IGF2BP1: variants seen among roughly 807,000 people sequenced by gnomAD.
IGF2BP1 encodes insulin-like growth factor 2 mRNA-binding protein 1.
In IGF2BP1, 11 loss-of-function variants were observed where a neutral mutation model predicts 74.9. The ratio of observed to expected loss-of-function variants is 0.15; its 90% confidence interval spans 0.09 to 0.24. The LOEUF is 0.24. Ranked by LOEUF, IGF2BP1 falls within the 10% of genes least tolerant of loss-of-function variation. The pLI is 1.00. For missense variants in IGF2BP1, 440 were observed against 757.4 expected (o/e 0.58, Z 4.92); for synonymous variants, 287 against 281.8 (o/e 1.02, Z -0.18).
intron 4 of IGF2BP1, among the ~76,000 whole-genome samples, chr17:49,027,441 G>C (rs2041870817): frequency 1.3e-5 from 2 of 152,020 alleles, no homozygotes; most frequent in Non-Finnish European, 2.9e-5. Context: ...ATATGTCTTT[G>C]GTCAATTAAA....
rs757720909 is a variant in IGF2BP1 at position 49,038,424 on chromosome 17, A to G, written c.658A>G (p.Asn220Asp). The G allele has an allele frequency of 1.9e-6, 3 of 1,552,720 alleles. No individual in the cohort carries two copies. The highest frequency in any genetic ancestry group is 1.7e-6 in the Non-Finnish European group (2 of 1,147,232). ...TGGCAAGGAGGGGGCCACCATCCGCAACATCACAAAACAGACCCAGTCCAA... is the reference window on the plus strand; with the variant it reads ...TGGCAAGGAGGGGGCCACCATCCGCGACATCACAAAACAGACCCAGTCCAA... ...IIGKEGATIR[N>D]ITKQTQSKID... The change falls in exon 6 of 15, where the codon AAC (asparagine) becomes GAC (aspartate). Residue 220 changes from asparagine (N) to aspartate (D), a missense_variant. By Grantham distance (23) the Asn-to-Asp change is conservative (BLOSUM62 1). This residue lies in a region of IGF2BP1 where 184 missense variants were observed against 273.4 expected (regional missense o/e 0.67). Transcript: ENST00000290341.
Position 49,007,661 on chromosome 17 carries a change from CTCG to C in IGF2BP1, c.236+8495_236+8497del, listed in dbSNP as rs1598124235. Among the ~76,000 whole-genome samples, 3 of 152,158 alleles carry C rather than the reference CTCG, an allele frequency of 2.0e-5. No homozygotes were observed. The South Asian group carries it at 6.2e-4, about 32-fold the overall frequency. On this transcript the variant is annotated intron_variant, in intron 2 of 14. Transcript: ENST00000290341. ...GAGTGGCATTTGGGATTGCTTGGGG[CTCG>C]TCAACTTTCCATTCGGGACTCTGAG...
At chr17:49,039,869 T>G (rs1036153870) in intron 6 of IGF2BP1, 88 bp from the exon 7 acceptor site, 54 of 1,441,240 alleles carry the variant, frequency 3.7e-5, no homozygotes, top group Non-Finnish European at 4.7e-5. Flanking sequence ...GTTCTATGCC[T>G]TTGACTGAGG....
intron 2 of IGF2BP1, among the ~76,000 whole-genome samples, chr17:49,009,612 G>A (rs1177204380): frequency 6.6e-6 from 1 of 151,874 alleles, no homozygotes; most frequent in Non-Finnish European, 1.5e-5. Flanking sequence ...TGGAGGCTGA[G>A]GCAGGAGAAT....
At chr17:49,008,701 T>A (rs1339540778) in intron 2 of IGF2BP1, among the ~76,000 whole-genome samples, 1 of 152,214 alleles carries the variant, frequency 6.6e-6, no homozygotes, top group East Asian at 1.9e-4. Context: ...GGTTAGCAAC[T>A]GTAGCCTGGG....
chr17:49,025,049 G>A (rs1053216245), intron 2 of IGF2BP1, among the ~76,000 whole-genome samples: 3 of 152,006 alleles, frequency 2.0e-5, no homozygotes, highest in Admixed American at 1.3e-4. Context: ...GAAATTAGCC[G>A]GATGTGGTAG....
intron 5 of IGF2BP1, 51 bp from the exon 6 acceptor site, chr17:49,038,117 G>A: frequency 1.4e-6 from 2 of 1,404,570 alleles, no homozygotes; most frequent in Non-Finnish European, 1.9e-6. Context: ...AGAGCATCTG[G>A]TATGATTGGC....
At chr17:49,015,429 C>T (rs2041687388) in intron 2 of IGF2BP1, among the ~76,000 whole-genome samples, 2 of 152,334 alleles carry the variant, frequency 1.3e-5, no homozygotes, top group Middle Eastern at 3.4e-3. Flanking sequence ...TTCCCGACCC[C>T]CGGGGGAAGA....
chr17:48,997,470 G>A lies in IGF2BP1; in HGVS notation c.-276G>A, dbSNP rs2041420118. The A allele has an allele frequency of 2.8e-6, 1 of 356,560 alleles. No homozygotes were observed. Among genetic ancestry groups the A allele is most frequent in the Middle Eastern group, 7.5e-4 (1 of 1,338 alleles). 22.1% of individuals were successfully genotyped at this position (356,560 alleles called of 1,614,324 possible). A position where few individuals can be genotyped will look rare whatever the true frequency, so the allele number is the denominator to read the frequency against. The stretch of plus-strand genomic sequence containing the variant: ...ACGTGACACACCAGCCCTCTCGGAG[G>A]GGTTTCGGACCGAAGGGAAGAAGCT... On this transcript the variant is annotated 5_prime_UTR_variant, in exon 1 of 15. Transcript: ENST00000290341. This position sits in a 1 kb window ranked among gnomAD's most constrained non-coding sequence, Gnocchi z 4.8.
intron 2 of IGF2BP1, among the ~76,000 whole-genome samples, chr17:49,020,434 C>T (rs1016410474): frequency 6.6e-6 from 1 of 152,154 alleles, no homozygotes; most frequent in Non-Finnish European, 1.5e-5. Context: ...GTGGTATCAA[C>T]GGATGTTTTA....
chr17:49,025,370 C>A (rs1416397746), intron 2 of IGF2BP1, among the ~76,000 whole-genome samples: 1 of 136,062 alleles, frequency 7.3e-6, no homozygotes, highest in Non-Finnish European at 1.6e-5. Flanking sequence ...GGAATGTTAA[C>A]AGAGTGCTTA....
In IGF2BP1 at chr17:48,999,099, T is replaced by A. The variant is rs1567806447; in HGVS notation, c.176-10T>A. 22 of 1,525,376 alleles carry A rather than the reference T, an allele frequency of 1.4e-5. No individual in the cohort carries two copies. Among genetic ancestry groups the A allele is most frequent in the Non-Finnish European group, 1.9e-5 (21 of 1,108,908 alleles). The allele number at this position is 1,525,376 out of a possible 1,614,324, so 94.5% of individuals were successfully genotyped here. A position where few individuals can be genotyped will look rare whatever the true frequency, so the allele number is the denominator to read the frequency against. On this transcript the variant is annotated splice_polypyrimidine_tract_variant and intron_variant, in intron 1 of 14. Transcript: ENST00000290341. ...AGCTCTCATGGTAATTTTTTTTTTT[T>A]AATCTTTAGGGAAAGTAGAATTACA...
chr17:49,041,419 T>G lies in IGF2BP1; in HGVS notation c.860T>G (p.Phe287Cys). Residue 287 changes from phenylalanine to cysteine, a missense_variant, in exon 8 of 15, where the codon TTT (phenylalanine) becomes TGT (cysteine). By Grantham distance (205) the Phe-to-Cys change is radical. Around this residue, in one of 5 missense-constraint regions of IGF2BP1, gnomAD observed 184 missense variants for 273.4 expected, o/e 0.67. Transcript: ENST00000290341. ...CTGAAGATCCTGGCCCATAATAACT[T>G]TGTAGGGCGTCTCATTGGCAAGGAA... is the stretch of plus-strand genomic sequence containing the variant. ...VPLKILAHNNFVGRLIGKEGR... is the reference protein window; with the variant it reads ...VPLKILAHNNCVGRLIGKEGR... 6.2e-7 allele frequency: 1 copy of G among 1,613,870 alleles called. No individual in the cohort carries two copies. Among genetic ancestry groups the G allele is most frequent in the Non-Finnish European group, 8.5e-7 (1 of 1,179,944 alleles).
At chr17:49,032,060 G>A in intron 5 of IGF2BP1, 87 bp downstream of exon 5, 11 of 1,227,602 alleles carry the variant, frequency 9.0e-6, no homozygotes, top group Non-Finnish European at 1.3e-5. Flanking sequence ...TTTCCTCAGG[G>A]GGGTCTAGGC....
At chr17:49,017,680 C>G (rs568230890) in intron 2 of IGF2BP1, 2 of 152,290 alleles carry the variant, frequency 1.3e-5, no homozygotes, top group African/African-American at 2.4e-5. Flanking sequence ...ATGATATCAG[C>G]TCACCACAAC....
At chr17:49,011,232 C>T (rs562701030) in intron 2 of IGF2BP1, among the ~76,000 whole-genome samples, 83 of 149,668 alleles carry the variant, frequency 5.5e-4, no homozygotes, top group African/African-American at 1.9e-3. Context: ...GCAGACCATT[C>T]ACCTAGAAGA....
intron 14 of IGF2BP1, among the ~76,000 whole-genome samples, chr17:49,049,026 G>A (rs928248940): frequency 3.3e-5 from 5 of 151,988 alleles, no homozygotes; most frequent in Admixed American, 6.6e-5. Flanking sequence ...TCTGTTTTGC[G>A]TTTGGTAATG....
At chr17:49,026,238 A>C (rs539205700) in intron 3 of IGF2BP1, among the ~76,000 whole-genome samples, 1 of 152,294 alleles carries the variant, frequency 6.6e-6, no homozygotes, top group South Asian at 2.1e-4. Flanking sequence ...CAGGCAGCCC[A>C]GGTCTGCTTC....
At chr17:49,011,156 A>AAAAAC (rs2041614539) in intron 2 of IGF2BP1, among the ~76,000 whole-genome samples, 1 of 149,184 alleles carries the variant, frequency 6.7e-6, no homozygotes, top group African/African-American at 2.5e-5. Flanking sequence ...AAAAAAAAAA[A>AAAAAC]AAAAAAAAAA....
Sources: gnomAD v4.1 joint callset for allele counts (sites outside exome capture counted in the v4.1 genomes callset) on GRCh38, gnomAD v4.1.1 for gene constraint, gnomAD v4.1.1 regional missense constraint, Gnocchi (gnomAD v3.1) non-coding constraint, MANE v1.5 for transcripts, NCBI Gene and HGNC (gene_info 2026-07-23, HGNC 2026-07-21) for gene names.